Variants in ADPGK observed in about 807,000 individuals in gnomAD.
ADPGK encodes the protein ADP dependent glucokinase.
Under a neutral mutation model 42.4 loss-of-function variants are expected in ADPGK, and 26 were observed. The ratio of observed to expected loss-of-function variants is 0.61; its 90% CI spans 0.45 to 0.85. The LOEUF is 0.85. Ranked by LOEUF, ADPGK falls within the 40% of genes least tolerant of loss-of-function variation. ADPGK has a pLI of 0.00. For missense variants in ADPGK, 571 were observed against 627.0 expected (o/e 0.91, Z 0.95); for synonymous variants, 267 against 252.6 (o/e 1.06, Z -0.54).
chr15:72,759,704 AAACTC>A (rs1279786775), intron 4 of ADPGK, among the ~76,000 whole-genome samples: 1 of 152,222 alleles, frequency 6.6e-6, no homozygotes, highest in African/African-American at 2.4e-5. Flanking sequence ...GTTGAATCAG[AAACTC>A]AAGAGTCTGA....
chr15:72,764,910 C>CTA (rs950888615), intron 3 of ADPGK, among the ~76,000 whole-genome samples: 5 of 150,054 alleles, frequency 3.3e-5, no homozygotes, highest in African/African-American at 7.4e-5. Flanking sequence ...TGCCTGTGTT[C>CTA]TATATATATA....
In ADPGK at chr15:72,783,559, G is replaced by A. The variant is rs2066497442; in HGVS notation, c.133C>T (p.Pro45Ser). ...LWSSLCLGPAPAPPGPVSPEG... is the reference protein window; with the variant it reads ...LWSSLCLGPASAPPGPVSPEG... ...GGGGAGACGGGTCCCGGGGGCGCAG[G>A]CGCGGGCCCCAGACACAGCGAGCTC... The change falls in exon 1 of 7, where the codon CCT becomes TCT. Residue 45 changes from proline (P) to serine (S), a missense_variant. Around this residue, in one of 2 missense-constraint regions of ADPGK, gnomAD observed 137 missense variants for 104.2 expected, o/e 1.31. Coordinates refer to ENST00000456471, the MANE Select transcript of ADPGK (RefSeq NM_001365225.1). 1.3e-6 allele frequency: 2 copies of A among 1,499,660 alleles called. No individual in the cohort carries two copies. The highest frequency in any genetic ancestry group is 8.8e-7 in the Non-Finnish European group (1 of 1,131,970). The allele number at this position is 1,499,660 out of a possible 1,614,324, so 92.9% of individuals were successfully genotyped here. A position where few individuals can be genotyped will look rare whatever the true frequency, so the allele number is the denominator to read the frequency against.
chr15:72,759,182 C>T (rs892978669), intron 4 of ADPGK, among the ~76,000 whole-genome samples: 26 of 152,162 alleles, frequency 1.7e-4, no homozygotes, highest in African/African-American at 3.9e-4. Context: ...GTGATCCACC[C>T]GCTTCAGCCT....
At chr15:72,779,325 CGCAACCTCT>C (rs2066428767) in intron 1 of ADPGK, among the ~76,000 whole-genome samples, 1 of 150,598 alleles carries the variant, frequency 6.6e-6, no homozygotes, top group South Asian at 2.1e-4. Context: ...CTCGGCTCAC[CGCAACCTCT>C]GCCTCCTGGG....
intron 3 of ADPGK, among the ~76,000 whole-genome samples, chr15:72,764,251 A>T (rs1048448430): frequency 6.6e-6 from 1 of 152,266 alleles, no homozygotes; most frequent in African/African-American, 2.4e-5. Context: ...GAAGGAAATT[A>T]AAAGTGCTAC....
At chr15:72,769,016 A>G (rs1214315705) in intron 3 of ADPGK, among the ~76,000 whole-genome samples, 1 of 151,938 alleles carries the variant, frequency 6.6e-6, no homozygotes, top group Non-Finnish European at 1.5e-5. Flanking sequence ...ACACTTTCCA[A>G]CTTATTCTAC....
chr15:72,775,245 A>G, intron 1 of ADPGK, 148 bp from the exon 2 acceptor site: 2 of 639,920 alleles, frequency 3.1e-6, no homozygotes, highest in Non-Finnish European at 5.4e-6. Context: ...TAAACAGCAC[A>G]TGGCAGGAGA....
At chr15:72,766,445 C>A (rs12440951) in intron 3 of ADPGK, among the ~76,000 whole-genome samples, 18,342 of 152,204 alleles carry the variant, frequency 0.12, 1,839 homozygotes, top group East Asian at 0.51. Flanking sequence ...GATCAGCCAG[C>A]AGCCATCAAC....
chr15:72,756,093 G>T, intron 5 of ADPGK, 158 bp downstream of exon 5: 1 of 807,866 alleles, frequency 1.2e-6, no homozygotes, highest in Non-Finnish European at 2.1e-6. Flanking sequence ...GATACAGTGA[G>T]GTGCCTCACT....
rs915367772 is a variant in ADPGK, at chr15:72,752,154, C to T, written c.*187G>A. 9 of 648,418 alleles carry T rather than the reference C, an allele frequency of 1.4e-5. No individual in the cohort carries two copies. Among genetic ancestry groups the T allele is most frequent in the African/African-American group, 3.6e-5 (2 of 54,988 alleles). 40.2% of individuals were successfully genotyped at this position (648,418 alleles called of 1,614,324 possible). A position where few individuals can be genotyped will look rare whatever the true frequency, so the allele number is the denominator to read the frequency against. ...GACACACAACATAAAAAACAAAAAT[C>T]CAGTCTCATTAGCTAAATTCGGATT... On this transcript the variant is annotated 3_prime_UTR_variant, in exon 7 of 7. Transcript: ENST00000456471.
intron 1 of ADPGK, among the ~76,000 whole-genome samples, chr15:72,776,443 G>A (rs191932642): frequency 6.6e-6 from 1 of 152,246 alleles, no homozygotes; most frequent in African/African-American, 2.4e-5. Flanking sequence ...TTAATTCTGA[G>A]CAGCTCTGAA....
intron 1 of ADPGK, among the ~76,000 whole-genome samples, chr15:72,777,546 T>TGGACACCTGTAATCCCAGCCTC (rs1252386648): frequency 2.0e-5 from 3 of 151,904 alleles, no homozygotes; most frequent in Non-Finnish European, 4.4e-5. Context: ...GGTGTGGTGG[T>TGGACACCTGTAATCCCAGCCTC]GGACACCTGT....
intron 3 of ADPGK, among the ~76,000 whole-genome samples, chr15:72,763,434 G>A (rs1392450256): frequency 3.3e-5 from 5 of 150,730 alleles, no homozygotes; most frequent in East Asian, 1.9e-4. Context: ...TGATCTGCCC[G>A]TCTTGGCCTT....
chr15:72,775,470 T>A (rs1418046313), intron 1 of ADPGK, among the ~76,000 whole-genome samples: 1 of 152,216 alleles, frequency 6.6e-6, no homozygotes, highest in African/African-American at 2.4e-5. Flanking sequence ...CACTAATTTC[T>A]CTGTGCCTCG....
chr15:72,775,270 T>C (rs3816151), intron 1 of ADPGK, 173 bp from the exon 2 acceptor site: 12,865 of 607,532 alleles, frequency 0.021, 943 homozygotes, highest in African/African-American at 0.17. Flanking sequence ...TTACTTTAAC[T>C]GGATTTATGT....
intron 3 of ADPGK, among the ~76,000 whole-genome samples, chr15:72,763,318 ATTTTTTTT>A (rs34099103): frequency 4.0e-4 from 50 of 123,668 alleles, no homozygotes; most frequent in East Asian, 2.3e-3. Context: ...CACTCGGCTA[ATTTTTTTT>A]TTTTTTTTTT....
intron 3 of ADPGK, among the ~76,000 whole-genome samples, chr15:72,768,975 C>CAA (rs35877343): frequency 0.34 from 46,624 of 137,672 alleles, 9,616 homozygotes; most frequent in East Asian, 0.51. Flanking sequence ...TCCTGTCTCT[C>CAA]AAAAAAAAAA....
intron 1 of ADPGK, among the ~76,000 whole-genome samples, chr15:72,779,590 T>C (rs548855048): frequency 9.2e-4 from 140 of 152,244 alleles, no homozygotes; most frequent in Middle Eastern, 6.8e-3. Flanking sequence ...GAGTCTGATT[T>C]AGAAGCAGGG....
At chr15:72,759,740 T>C (rs890384539) in intron 4 of ADPGK, among the ~76,000 whole-genome samples, 1 of 152,164 alleles carries the variant, frequency 6.6e-6, no homozygotes, top group Non-Finnish European at 1.5e-5. Context: ...GAGGGAAAAT[T>C]ACAGCAGGAA....
Sources: gnomAD v4.1 joint callset for allele counts (sites outside exome capture counted in the v4.1 genomes callset) on GRCh38, gnomAD v4.1.1 for gene constraint, gnomAD v4.1.1 regional missense constraint, MANE v1.5 for transcripts, NCBI Gene and HGNC (gene_info 2026-07-23, HGNC 2026-07-21) for gene names.